The following TBL1X variants were observed in gnomAD, a reference collection of about 807,000 sequenced individuals.
TBL1X encodes transducin beta like 1 X-linked, also known as F-box-like/WD repeat-containing protein TBL1X.
Under a neutral mutation model 50.7 loss-of-function variants are expected in TBL1X, and 10 were observed. The ratio of observed to expected loss-of-function variants is 0.20; its 90% CI spans 0.12 to 0.33. TBL1X has a LOEUF of 0.33. Ranked by LOEUF, TBL1X falls within the 10% of genes least tolerant of loss-of-function variation. The pLI is 1.00. For synonymous variants in TBL1X, 190 were observed against 214.7 expected (o/e 0.88, Z 1.01); for missense variants, 340 against 504.4 (o/e 0.67, Z 3.12).
Position 9,694,502 on chromosome X carries a change from G to A in TBL1X, c.1053+1083G>A, listed in dbSNP as rs145330876. On this transcript the variant is annotated intron_variant, in intron 11 of 17. Coordinates refer to ENST00000645353, the MANE Select transcript of TBL1X (RefSeq NM_005647.4). Reference sequence around the variant, plus strand: ...CCCAGCTACTTAGAGACTGAGGCGCGAGAATCTCTTGAACCAGCGAGGCAG... The same window carrying A: ...CCCAGCTACTTAGAGACTGAGGCGCAAGAATCTCTTGAACCAGCGAGGCAG... 4.1e-4 allele frequency among the ~76,000 whole-genome samples: 46 copies of A among 111,554 alleles called. No individual in the cohort carries two copies. The East Asian group carries it at 0.011, about 27-fold the overall frequency.
chrX:9,482,758 G>A (rs2081890095), intron 1 of TBL1X, among the ~76,000 whole-genome samples: 1 of 110,700 alleles, frequency 9.0e-6, no homozygotes, highest in Non-Finnish European at 1.9e-5. Flanking sequence ...AAAGCCAAAG[G>A]GGGTATTGAA....
At chrX:9,657,485 G>T (rs1226787318) in intron 5 of TBL1X, among the ~76,000 whole-genome samples, 1 of 112,550 alleles carries the variant, frequency 8.9e-6, no homozygotes, top group Non-Finnish European at 1.9e-5. Context: ...CTTCAGTGGA[G>T]CACTGATGGC....
At chrX:9,555,972 G>C (rs984399424) in intron 2 of TBL1X, among the ~76,000 whole-genome samples, 2 of 110,728 alleles carry the variant, frequency 1.8e-5, no homozygotes, top group Non-Finnish European at 3.8e-5. Flanking sequence ...AGGATCACTT[G>C]ATCCCAGGAG....
intron 2 of TBL1X, among the ~76,000 whole-genome samples, chrX:9,609,036 A>G (rs2082598602): frequency 8.9e-6 from 1 of 112,003 alleles, no homozygotes; most frequent in African/African-American, 3.2e-5. Context: ...TGGTCAGTAT[A>G]TACCTAGGGG....
Position 9,691,823 on chromosome X carries a change from G to A in TBL1X, c.749+112G>A, listed in dbSNP as rs2301674. The stretch of plus-strand genomic sequence containing the variant: ...GAACACACACTCCCCTTCTTACCCC[G>A]GTGTGTGGGCAGACCAAGGAATGGG... On this transcript the variant is annotated intron_variant, in intron 8 of 17. Coordinates refer to ENST00000645353, the MANE Select transcript of TBL1X (RefSeq NM_005647.4). 0.43 allele frequency: 444,950 copies of A among 1,038,369 alleles called. 68,302 individuals carry two copies. Among genetic ancestry groups the A allele is most frequent in the South Asian group, 0.5 (22,032 of 44,056 alleles). The allele number at this position is 1,038,369 out of a possible 1,213,427, so 85.6% of individuals were successfully genotyped here.
chrX:9,492,943 G>A (rs12853960), intron 1 of TBL1X, among the ~76,000 whole-genome samples: 17,254 of 103,074 alleles, frequency 0.17, 1,230 homozygotes, highest in South Asian at 0.34. Flanking sequence ...GGAATGTGCT[G>A]GAAGACATGC....
intron 2 of TBL1X, among the ~76,000 whole-genome samples, chrX:9,518,607 A>G (rs751847607): frequency 8.9e-6 from 1 of 111,900 alleles, no homozygotes; most frequent in East Asian, 2.8e-4. Context: ...ACCAGAGGAC[A>G]GAGCCTAAGG....
At chrX:9,709,454 A>T in intron 14 of TBL1X, 132 bp downstream of exon 14, 1 of 967,814 alleles carries the variant, frequency 1.0e-6, no homozygotes, top group Non-Finnish European at 1.4e-6. Flanking sequence ...TCATCCGGTG[A>T]GCTACGATTT....
rs144481461 is a variant in TBL1X, at chrX:9,504,665, C to T, written c.-131+2816C>T. On this transcript the variant is annotated intron_variant, in intron 2 of 17. Transcript: ENST00000645353. ...AACTTTGTGAAGCACACACAAGTAT[C>T]GTGAAGCATAAACAAGTATCAACAG... Among the ~76,000 whole-genome samples, 421 of 112,034 alleles carry T rather than the reference C, an allele frequency of 3.8e-3. 6 individuals carry two copies. The East Asian group carries it at 0.061, about 16-fold the overall frequency.
intron 1 of TBL1X, among the ~76,000 whole-genome samples, chrX:9,471,290 T>C (rs1172037149): frequency 8.9e-6 from 1 of 112,267 alleles, no homozygotes; most frequent in East Asian, 2.8e-4. Flanking sequence ...TTGGTGACTT[T>C]TGTCCTGCCT....
intron 1 of TBL1X, among the ~76,000 whole-genome samples, chrX:9,473,054 C>T (rs778690337): frequency 7.2e-5 from 8 of 111,759 alleles, no homozygotes; most frequent in Non-Finnish European, 7.5e-5. Flanking sequence ...GTTACCTTGT[C>T]ATCTATGTGA....
intron 1 of TBL1X, among the ~76,000 whole-genome samples, chrX:9,493,921 G>A (rs765179986): frequency 1.8e-4 from 20 of 111,747 alleles, no homozygotes; most frequent in Middle Eastern, 4.6e-3. Flanking sequence ...TAACCACCCC[G>A]TGACACTGGT....
At chrX:9,591,674 G>A (rs2082500920) in intron 2 of TBL1X, among the ~76,000 whole-genome samples, 1 of 111,446 alleles carries the variant, frequency 9.0e-6, no homozygotes, top group Admixed American at 9.5e-5. Context: ...GGCAGGCTTG[G>A]GTGGAGGCAG....
intron 2 of TBL1X, among the ~76,000 whole-genome samples, chrX:9,529,668 C>T (rs1190369701): frequency 9.2e-6 from 1 of 108,719 alleles, no homozygotes; most frequent in African/African-American, 3.4e-5. Flanking sequence ...CATGGTTGGG[C>T]GCAGTGACTC....
rs980572237 is a variant in TBL1X, at chrX:9,465,974, G to A, written c.-201+527G>A. ...CGCAGCCTCGCGGAGTGGGGCAAGC[G>A]GCGGGCGAGGTGGCGCGGGCCCCGT... On this transcript the variant is annotated intron_variant, in intron 1 of 17. Transcript: ENST00000645353. Among the ~76,000 whole-genome samples, 15 of 113,020 alleles carry A rather than the reference G, an allele frequency of 1.3e-4. No individual in the cohort carries two copies. The South Asian group carries it at 1.4e-3, about 11-fold the overall frequency.
intron 3 of TBL1X, among the ~76,000 whole-genome samples, chrX:9,652,160 G>A (rs762991919): frequency 2.9e-4 from 32 of 112,229 alleles, no homozygotes; most frequent in Non-Finnish European, 5.6e-4. Context: ...GCTCCCTGCA[G>A]GCTGCCTGCC....
At position 9,688,241 on chromosome X, in the gene TBL1X, G is replaced by A. The variant is rs747724793; in HGVS notation, c.582G>A (p.Thr194=). The A allele has an allele frequency of 1.6e-5, 19 of 1,196,032 alleles. No individual in the cohort carries two copies. The highest frequency in any genetic ancestry group is 4.5e-5 in the Admixed American group (2 of 44,455). ...ATCCATCGAAGAACAGAGAGGCCACGGTGAATGGGGAAGAGAACAGAGCAC... is the reference window on the plus strand; with the variant it reads ...ATCCATCGAAGAACAGAGAGGCCACAGTGAATGGGGAAGAGAACAGAGCAC... The part of the protein sequence containing the change: ...HQNPSKNREA[T]VNGEENRAHS... Residue 194 remains threonine, a synonymous_variant, in exon 7 of 18, where the codon ACG becomes ACA. Transcript: ENST00000645353.
rs758284921 is a variant in TBL1X, at chrX:9,471,861, C to G, written c.-201+6414C>G. On this transcript the variant is annotated intron_variant, in intron 1 of 17. Transcript: ENST00000645353. Reference sequence around the variant, plus strand: ...CATGAGAGTTTTTTCTGCCTGTTTCCCTTGAGCCTGGAACCGATTATGACC... The same window carrying G: ...CATGAGAGTTTTTTCTGCCTGTTTCGCTTGAGCCTGGAACCGATTATGACC... 4.5e-5 allele frequency among the ~76,000 whole-genome samples: 5 copies of G among 111,485 alleles called. No individual in the cohort carries two copies. The East Asian group carries it at 1.4e-3, about 32-fold the overall frequency.
chrX:9,635,005 G>A (rs1009752402), intron 2 of TBL1X, among the ~76,000 whole-genome samples: 10 of 111,214 alleles, frequency 9.0e-5, no homozygotes, highest in African/African-American at 3.3e-4. Context: ...ATACCAGCGT[G>A]GGGTCTTTCG....
Sources: allele counts gnomAD v4.1 joint callset (sites outside exome capture counted in the v4.1 genomes callset), GRCh38; gene constraint gnomAD v4.1.1; transcripts MANE v1.5; gene names NCBI Gene and HGNC (gene_info 2026-07-23, HGNC 2026-07-21).